NAV2: variants seen among roughly 807,000 people sequenced by gnomAD.
The protein encoded by NAV2 is neuron navigator 2.
NAV2 carries 54 observed loss-of-function variants against 223.2 expected under a neutral mutation model. The observed-to-expected ratio is 0.24, with a 90% CI of 0.19 to 0.30. The LOEUF is 0.30. Ranked by LOEUF, NAV2 falls within the 10% of genes least tolerant of loss-of-function variation. The pLI is 1.00. For missense variants in NAV2, 2,806 were observed against 3,147.5 expected (o/e 0.89, Z 2.60); for synonymous variants, 1,279 against 1,239.3 (o/e 1.03, Z -0.67).
intron 1 of NAV2, among the ~76,000 whole-genome samples, chr11:19,587,243 T>C (rs999034347): frequency 6.6e-6 from 1 of 152,188 alleles, no homozygotes; most frequent in African/African-American, 2.4e-5. Context: ...AGTATTAGGG[T>C]GGGAGTGACC....
intron 17 of NAV2, among the ~76,000 whole-genome samples, chr11:20,052,844 G>C (rs982539066): frequency 1.3e-5 from 2 of 152,128 alleles, no homozygotes; most frequent in Non-Finnish European, 2.9e-5. Context: ...TAAGCCCAAA[G>C]AATCCCCCTA....
chr11:19,478,847 T>C (rs1280468878), intron 1 of NAV2, among the ~76,000 whole-genome samples: 1 of 152,170 alleles, frequency 6.6e-6, no homozygotes, highest in Non-Finnish European at 1.5e-5. Flanking sequence ...GCAAATACAA[T>C]GTCTATTTTA....
At chr11:19,956,410 T>TCC in intron 10 of NAV2, among the ~76,000 whole-genome samples, 1 of 150,112 alleles carries the variant, frequency 6.7e-6, no homozygotes, top group Non-Finnish European at 1.5e-5. Flanking sequence ...TCTCTCTCTC[T>TCC]CTCTATCTCT....
At chr11:19,885,123 T>C (rs1370691509) in intron 5 of NAV2, among the ~76,000 whole-genome samples, 2 of 152,254 alleles carry the variant, frequency 1.3e-5, no homozygotes, top group African/African-American at 4.8e-5. Context: ...TAACATTTAT[T>C]GAACGCACCA....
At chr11:19,456,826 C>T (rs1003814045) in intron 1 of NAV2, among the ~76,000 whole-genome samples, 17 of 152,196 alleles carry the variant, frequency 1.1e-4, no homozygotes, top group African/African-American at 4.1e-4. Context: ...ACTGCTCCTT[C>T]CCAGGACTAG....
At chr11:19,499,563 T>C (rs80117660) in intron 1 of NAV2, among the ~76,000 whole-genome samples, 4,286 of 152,316 alleles carry the variant, frequency 0.028, 91 homozygotes, top group Non-Finnish European at 0.047. Flanking sequence ...ATCTGGGGTT[T>C]GGAATGAGAT....
intron 1 of NAV2, among the ~76,000 whole-genome samples, chr11:19,641,257 A>G (rs915459541): frequency 4.6e-5 from 7 of 152,138 alleles, no homozygotes; most frequent in African/African-American, 7.2e-5. Flanking sequence ...ATATTGACCA[A>G]TGACAGCATT....
chr11:19,524,610 G>A (rs181915768), intron 1 of NAV2, among the ~76,000 whole-genome samples: 26 of 152,280 alleles, frequency 1.7e-4, no homozygotes, highest in East Asian at 3.9e-4. Flanking sequence ...GTGAGCTGAC[G>A]TCAGTACTGG....
At chr11:19,908,338 A>G (rs2043042003) in intron 6 of NAV2, among the ~76,000 whole-genome samples, 1 of 152,118 alleles carries the variant, frequency 6.6e-6, no homozygotes, top group African/African-American at 2.4e-5. Context: ...GGAGGAGGGT[A>G]TACTGAGCTT....
rs145726088 is a variant in NAV2 at position 19,977,445 on chromosome 11, G to A, written c.2646-6680G>A. Among the ~76,000 whole-genome samples the A allele has an allele frequency of 2.9e-3, 449 of 152,270 alleles. 1 individual carries two copies. The highest frequency in any genetic ancestry group is 0.01 in the African/African-American group (420 of 41,538). ...AGGAAGAGGCAATACTGTGTTCTTC[G>A]CTTGAATTTCACCTTTATTTGATTC... On this transcript the variant is annotated intron_variant, in intron 10 of 37. Transcript: ENST00000349880.
At chr11:19,863,167 T>C (rs1047923047) in intron 3 of NAV2, among the ~76,000 whole-genome samples, 1 of 152,174 alleles carries the variant, frequency 6.6e-6, no homozygotes, top group Non-Finnish European at 1.5e-5. Context: ...ACTTCCATGG[T>C]AATGGGGCAG....
At chr11:19,888,365 T>C (rs2041208079) in intron 5 of NAV2, among the ~76,000 whole-genome samples, 1 of 152,142 alleles carries the variant, frequency 6.6e-6, no homozygotes. Flanking sequence ...TCCGTTGTGA[T>C]ACCTGCAGCT....
chr11:20,029,433 C>T (rs962889295), intron 11 of NAV2, among the ~76,000 whole-genome samples: 1 of 152,168 alleles, frequency 6.6e-6, no homozygotes, highest in Non-Finnish European at 1.5e-5. Flanking sequence ...TCTTTGTGCT[C>T]CAACTTGGCT....
intron 1 of NAV2, among the ~76,000 whole-genome samples, chr11:19,753,628 C>T (rs545733666): frequency 6.6e-6 from 1 of 152,320 alleles, no homozygotes; most frequent in East Asian, 1.9e-4. Context: ...GCACGAGGAC[C>T]TCCTTGAGAA....
intron 1 of NAV2, among the ~76,000 whole-genome samples, chr11:19,699,680 T>C (rs1057369902): frequency 1.3e-5 from 2 of 152,140 alleles, no homozygotes; most frequent in African/African-American, 2.4e-5. Flanking sequence ...TAGACGACTT[T>C]GAGATAACAG....
At chr11:20,041,192 A>G (rs1395997776) in intron 12 of NAV2, among the ~76,000 whole-genome samples, 2 of 152,202 alleles carry the variant, frequency 1.3e-5, no homozygotes, top group Non-Finnish European at 2.9e-5. Flanking sequence ...CAAATGTATC[A>G]TATACCTCGA....
intron 1 of NAV2, among the ~76,000 whole-genome samples, chr11:19,640,066 T>C (rs2047620464): frequency 6.6e-6 from 1 of 152,240 alleles, no homozygotes; most frequent in South Asian, 2.1e-4. Context: ...AGAAACCTAC[T>C]AAGCAGATAA....
intron 4 of NAV2, among the ~76,000 whole-genome samples, chr11:19,878,087 C>G (rs1433655605): frequency 4.6e-5 from 7 of 152,190 alleles, no homozygotes; most frequent in Non-Finnish European, 1.5e-5. Flanking sequence ...CTCTGCTTCA[C>G]ACATCACACA....
intron 1 of NAV2, among the ~76,000 whole-genome samples, chr11:19,648,250 T>C (rs1425129661): frequency 1.3e-5 from 2 of 152,232 alleles, no homozygotes; most frequent in Non-Finnish European, 2.9e-5. Context: ...TTATTTTAGG[T>C]CTATTGTTTC....
Sources: gnomAD v4.1 joint callset for allele counts (sites outside exome capture counted in the v4.1 genomes callset) on GRCh38, gnomAD v4.1.1 for gene constraint, MANE v1.5 for transcripts, NCBI Gene and HGNC (gene_info 2026-07-23, HGNC 2026-07-21) for gene names.